The following NUP93 variants were observed in gnomAD, a reference collection of about 807,000 sequenced individuals.
NUP93 encodes the protein nucleoporin 93.
A neutral mutation model predicts 107.8 loss-of-function variants in NUP93; 55 were observed. The observed-to-expected ratio is 0.51, with a 90% CI of 0.41 to 0.64. The LOEUF is 0.64. NUP93 is among the 30% of genes least tolerant of loss of function. NUP93 has a pLI of 0.00. For synonymous variants in NUP93, 390 were observed against 397.5 expected, an observed-to-expected ratio of 0.98 and a Z score of 0.22; for missense variants, 937 against 1,044.7, an observed-to-expected ratio of 0.90 and a Z score of 1.42.
Position 56,839,046 on chromosome 16 carries a change from G to T in NUP93, c.2113G>T (p.Gly705Cys). The stretch of plus-strand genomic sequence containing the variant: ...CACCTTTTTTGACGAGTATCATAGT[G>T]GTCATATTGATAGAGCTTTTGATGT... ...LITFFDEYHS[G>C]HIDRAFDIIE... Residue 705 changes from glycine to cysteine, a missense_variant, in exon 19 of 22, where the codon GGT (glycine) becomes TGT (cysteine). Transcript: ENST00000308159. 1 of 1,612,630 alleles carries T rather than the reference G, an allele frequency of 6.2e-7. No individual in the cohort carries two copies. Among genetic ancestry groups the T allele is most frequent in the East Asian group, 2.2e-5 (1 of 44,850 alleles).
intron 3 of NUP93, among the ~76,000 whole-genome samples, chr16:56,772,001 TC>T (rs1962330698): frequency 6.6e-6 from 1 of 152,172 alleles, no homozygotes; most frequent in Non-Finnish European, 1.5e-5. Flanking sequence ...TCTGTTCCCT[TC>T]CCTTTCATTC....
rs527602014 is a variant in NUP93, at chr16:56,831,459, T to C, written c.1086-383T>C. On this transcript the variant is annotated intron_variant, in intron 10 of 21. Transcript: ENST00000308159. ...GAGATTTGAGTGCAAGTTGTTTATT[T>C]AGGAGGTGATCTCACATGAATAAGG... 9.9e-4 allele frequency: 160 copies of C among 162,264 alleles called. 1 individual carries two copies. The Middle Eastern group carries it at 0.012, about 12-fold the overall frequency. The allele number at this position is 162,264 out of a possible 1,614,324, so 10.1% of individuals were successfully genotyped here.
intron 4 of NUP93, 82 bp downstream of exon 4, chr16:56,798,620 C>A: frequency 8.8e-7 from 1 of 1,137,042 alleles, no homozygotes; most frequent in Non-Finnish European, 1.3e-6. Context: ...GTAATCCTAA[C>A]ACTTTGGGAG....
chr16:56,776,058 ATT>A (rs5817075), intron 3 of NUP93, among the ~76,000 whole-genome samples: 113 of 147,484 alleles, frequency 7.7e-4, no homozygotes, highest in African/African-American at 2.3e-3. Context: ...TTGGTGCCAG[ATT>A]TTTTTTTTTA....
At chr16:56,834,469 C>G in intron 15 of NUP93, 27 bp downstream of exon 15, 1 of 1,609,666 alleles carries the variant, frequency 6.2e-7, no homozygotes, top group Non-Finnish European at 8.5e-7. Context: ...TTCTCTCCTC[C>G]CCATGGTTTT....
At chr16:56,769,680 C>G (rs1414105464) in intron 3 of NUP93, among the ~76,000 whole-genome samples, 12 of 152,134 alleles carry the variant, frequency 7.9e-5, no homozygotes, top group African/African-American at 2.9e-4. Flanking sequence ...AGGTTGTGTT[C>G]AGCTTCTTGC....
At chr16:56,749,958 C>T (rs1313539051) in intron 2 of NUP93, among the ~76,000 whole-genome samples, 3 of 152,210 alleles carry the variant, frequency 2.0e-5, no homozygotes, top group Non-Finnish European at 4.4e-5. Flanking sequence ...TCCTTACCTG[C>T]TACTCCTGGC....
chr16:56,739,969 C>T (rs1313159746), intron 1 of NUP93, among the ~76,000 whole-genome samples: 4 of 120,498 alleles, frequency 3.3e-5, no homozygotes, highest in African/African-American at 1.0e-4. Context: ...ACCTCCCTCC[C>T]GGACGGGGCG....
chr16:56,839,044 G>A lies in NUP93; in HGVS notation c.2111G>A (p.Ser704Asn), dbSNP rs756017486. The A allele has an allele frequency of 3.1e-5, 50 of 1,612,920 alleles. No homozygotes were observed. Among genetic ancestry groups the A allele is most frequent in the Non-Finnish European group, 4.2e-5 (50 of 1,179,126 alleles). Residue 704 changes from serine (S) to asparagine (N), a missense_variant, in exon 19 of 22, where the codon AGT (serine) becomes AAT (asparagine). Ser to Asn is a conservative substitution (Grantham distance 46). Transcript: ENST00000308159. ...DLITFFDEYHSGHIDRAFDII... is the reference protein window; with the variant it reads ...DLITFFDEYHNGHIDRAFDII... ...ATCACCTTTTTTGACGAGTATCATA[G>A]TGGTCATATTGATAGAGCTTTTGAT... is the stretch of plus-strand genomic sequence containing the variant.
At chr16:56,785,673 T>C (rs112488367) in intron 3 of NUP93, among the ~76,000 whole-genome samples, 20 of 152,342 alleles carry the variant, frequency 1.3e-4, no homozygotes, top group African/African-American at 4.1e-4. Flanking sequence ...AGGAACACTG[T>C]GATAAGGGGT....
chr16:56,754,764 CTT>C (rs1961987299), intron 2 of NUP93, among the ~76,000 whole-genome samples: 1 of 152,214 alleles, frequency 6.6e-6, no homozygotes. Context: ...AGTGGGGACT[CTT>C]TGTGGGGTCT....
At chr16:56,736,290 G>A (rs968673677) in intron 1 of NUP93, among the ~76,000 whole-genome samples, 6 of 152,122 alleles carry the variant, frequency 3.9e-5, no homozygotes, top group Admixed American at 3.3e-4. Flanking sequence ...CTGAGATCAC[G>A]CTATTGCACT....
At chr16:56,796,946 T>G (rs1962912837) in intron 3 of NUP93, among the ~76,000 whole-genome samples, 1 of 151,242 alleles carries the variant, frequency 6.6e-6, no homozygotes, top group Non-Finnish European at 1.5e-5. Flanking sequence ...CACTCCAGCC[T>G]GGCAACAGAG....
At chr16:56,800,853 A>G (rs1963004769) in intron 4 of NUP93, among the ~76,000 whole-genome samples, 1 of 152,226 alleles carries the variant, frequency 6.6e-6, no homozygotes, top group Non-Finnish European at 1.5e-5. Flanking sequence ...TGTGAAGTCA[A>G]AGCATATTGC....
At chr16:56,734,220 T>C (rs769062567) in intron 1 of NUP93, among the ~76,000 whole-genome samples, 2 of 152,214 alleles carry the variant, frequency 1.3e-5, no homozygotes, top group Non-Finnish European at 2.9e-5. Context: ...TGGGGTGTGC[T>C]GAGAAGCTTC....
In NUP93 at chr16:56,730,169, C is replaced by T. The variant is rs1157047277; in HGVS notation, c.-57C>T. 2.0e-5 allele frequency: 3 copies of T among 152,618 alleles called. No individual in the cohort carries two copies. Among genetic ancestry groups the T allele is most frequent in the Admixed American group, 6.5e-5 (1 of 15,310 alleles). The allele number at this position is 152,618 out of a possible 1,614,324, so 9.5% of individuals were successfully genotyped here. ...GCGGCGCGAGAAGCGGCGGCCGCGT[C>T]CTCAAGCCGGCACCTGAGCGGCGGA... On this transcript the variant is annotated 5_prime_UTR_variant, in exon 1 of 22. Coordinates refer to ENST00000308159, the MANE Select transcript of NUP93 (RefSeq NM_014669.5).
intron 1 of NUP93, among the ~76,000 whole-genome samples, chr16:56,745,040 T>A (rs1245752133): frequency 6.6e-6 from 1 of 152,212 alleles, no homozygotes; most frequent in Non-Finnish European, 1.5e-5. Flanking sequence ...AACAAAACAC[T>A]GTGCTTGTGC....
chr16:56,802,593 G>A (rs1387083105), intron 4 of NUP93, among the ~76,000 whole-genome samples: 2 of 152,024 alleles, frequency 1.3e-5, no homozygotes, highest in Non-Finnish European at 2.9e-5. Flanking sequence ...CGTGTCATAT[G>A]TGTATGTATG....
chr16:56,806,862 T>A (rs1029717946), intron 5 of NUP93, among the ~76,000 whole-genome samples: 1 of 151,944 alleles, frequency 6.6e-6, no homozygotes, highest in African/African-American at 2.4e-5. Flanking sequence ...TACCAGGAGG[T>A]GGGAGTTATT....
Sources: gnomAD v4.1 joint callset for allele counts (sites outside exome capture counted in the v4.1 genomes callset) on GRCh38, gnomAD v4.1.1 for gene constraint, MANE v1.5 for transcripts, NCBI Gene and HGNC (gene_info 2026-07-23, HGNC 2026-07-21) for gene names.